The following SOCS2 variants were observed in gnomAD, a reference collection of about 807,000 sequenced individuals.
SOCS2 encodes the protein suppressor of cytokine signaling 2.
Under a neutral mutation model 18.6 loss-of-function variants are expected in SOCS2, and 10 were observed. The observed-to-expected ratio is 0.54, with a 90% confidence interval of 0.33 to 0.91. The LOEUF (loss-of-function observed/expected upper bound fraction) is 0.91, where lower values mean the gene tolerates loss of function less well. Among genes scored for constraint, SOCS2 ranks in the 40% least tolerant of loss-of-function variants. The pLI is 0.02. For missense variants in SOCS2, 231 were observed against 247.2 expected, an observed-to-expected ratio of 0.93 and a Z score of 0.44; for synonymous variants, 104 against 104.0, an observed-to-expected ratio of 1.00 and a Z score of 0.00.
chr12:93,593,959 T>C, the SOCS2 span, among the ~76,000 whole-genome samples: 1 of 152,202 alleles, frequency 6.6e-6, no homozygotes, highest in Non-Finnish European at 1.5e-5. Context: ...TAATCAAAAC[T>C]CTTAATTTCA....
downstream of SOCS2, among the ~76,000 whole-genome samples, chr12:93,584,499 T>C (rs1426318819): frequency 1.3e-5 from 2 of 152,174 alleles, no homozygotes; most frequent in Admixed American, 6.5e-5. Context: ...TCTCACTCTT[T>C]TGTTCATTTT....
the SOCS2 span, among the ~76,000 whole-genome samples, chr12:93,591,683 G>T: frequency 1.3e-5 from 2 of 152,168 alleles, no homozygotes; most frequent in Non-Finnish European, 1.5e-5. Flanking sequence ...CGTCCGGGGC[G>T]CCGCTCGGGT....
the SOCS2 span, among the ~76,000 whole-genome samples, chr12:93,614,576 T>TTTC: frequency 1.2e-5 from 1 of 84,342 alleles, no homozygotes; most frequent in African/African-American, 6.0e-5. Context: ...TCTTTCTTTC[T>TTTC]TTCTTTCTTT....
downstream of SOCS2, among the ~76,000 whole-genome samples, chr12:93,587,419 C>T (rs952738831): frequency 2.0e-5 from 3 of 152,146 alleles, no homozygotes; most frequent in Admixed American, 6.5e-5. Flanking sequence ...CAGTGGCTCA[C>T]GCCTGTAATC....
chr12:93,614,545 T>TTCTTTCTTTCTTTCTTTCTTTCTC, the SOCS2 span, among the ~76,000 whole-genome samples: 1 of 20,256 alleles, frequency 4.9e-5, no homozygotes, highest in East Asian at 1.3e-3. Context: ...CCTTCCTTCT[T>TTCTTTCTTTCTTTCTTTCTTTCTC]TCTTTCTTTC....
downstream of SOCS2, among the ~76,000 whole-genome samples, chr12:93,587,664 G>A (rs1954592731): frequency 6.8e-6 from 1 of 147,980 alleles, no homozygotes; most frequent in South Asian, 2.1e-4. Flanking sequence ...CTGGGTGACA[G>A]AGCGAGACTC....
At position 93,575,006 on chromosome 12, in the gene SOCS2, G is replaced by A; in HGVS notation, c.424G>A (p.Ala142Thr). 2 of 1,614,032 alleles carry A rather than the reference G, an allele frequency of 1.2e-6. No individual in the cohort carries two copies. The highest frequency in any genetic ancestry group is 1.7e-6 in the Non-Finnish European group (2 of 1,179,976). ...MCKDKRTGPE[A>T]PRNGTVHLYL... ...CAAGGATAAGCGGACAGGTCCAGAA[G>A]CCCCCCGGAACGGCACTGTTCACCT... Residue 142 changes from alanine (A) to threonine (T), a missense_variant, in exon 2 of 2, where the codon GCC (alanine) becomes ACC (threonine). Transcript: ENST00000551556.
the SOCS2 span, among the ~76,000 whole-genome samples, chr12:93,617,243 C>T: frequency 1.3e-5 from 2 of 152,152 alleles, no homozygotes; most frequent in Non-Finnish European, 2.9e-5. Context: ...CTAACCACAT[C>T]CCAGGGTGGG....
the SOCS2 span, among the ~76,000 whole-genome samples, chr12:93,614,426 T>TTCC: frequency 2.2e-5 from 2 of 92,288 alleles, no homozygotes; most frequent in African/African-American, 4.7e-5. Context: ...TCTTCCTTTC[T>TTCC]TTCCCTTCCT....
chr12:93,608,492 G>A, the SOCS2 span, among the ~76,000 whole-genome samples: 1 of 151,898 alleles, frequency 6.6e-6, no homozygotes, highest in East Asian at 1.9e-4. Context: ...CTATTTTCAG[G>A]ATGACATCAC....
At chr12:93,613,169 CCG>C in the SOCS2 span, among the ~76,000 whole-genome samples, 2 of 152,156 alleles carry the variant, frequency 1.3e-5, no homozygotes, top group Non-Finnish European at 2.9e-5. Flanking sequence ...GCATGGCTTT[CCG>C]AAGGTATTTT....
At chr12:93,583,224 A>G (rs3741674) in exon 2 of SOCS2, 88,091 of 151,806 alleles carry the variant, frequency 0.58, 27,367 homozygotes, top group African/African-American at 0.81. Flanking sequence ...GGGATCTGGA[A>G]GGCTGTCTTC....
the SOCS2 span, among the ~76,000 whole-genome samples, chr12:93,609,559 ATTTAC>A: frequency 1.3e-5 from 2 of 151,836 alleles, no homozygotes; most frequent in Non-Finnish European, 2.9e-5. Flanking sequence ...TTACCTTATT[ATTTAC>A]TTTAATTTAT....
downstream of SOCS2, among the ~76,000 whole-genome samples, chr12:93,584,756 C>T (rs1235642822): frequency 2.0e-5 from 3 of 151,866 alleles, no homozygotes; most frequent in Admixed American, 1.3e-4. Context: ...GAATTTACAC[C>T]TTTTCTTCCC....
the SOCS2 span, among the ~76,000 whole-genome samples, chr12:93,621,551 A>G: frequency 6.6e-6 from 1 of 152,136 alleles, no homozygotes; most frequent in African/African-American, 2.4e-5. Flanking sequence ...ATCATAGCTC[A>G]CTGCAGCCTC....
At position 93,575,865 on chromosome 12, in the gene SOCS2, C is replaced by T. The variant is rs1247843354; in HGVS notation, c.*686C>T. 1 of 152,628 alleles carries T rather than the reference C, an allele frequency of 6.6e-6. No individual in the cohort carries two copies. Among genetic ancestry groups the T allele is most frequent in the Non-Finnish European group, 1.5e-5 (1 of 68,028 alleles). 9.5% of individuals were successfully genotyped at this position (152,628 alleles called of 1,614,324 possible). On this transcript the variant is annotated 3_prime_UTR_variant, in exon 2 of 2. Coordinates refer to ENST00000551556, the MANE Select transcript of SOCS2 (RefSeq NM_001270471.2). ...AACTGGTGCAAATGGAAAAGACTTTCTCTTTTCCTTTAAAGCTAAAGACAA... is the reference window on the plus strand; with the variant it reads ...AACTGGTGCAAATGGAAAAGACTTTTTCTTTTCCTTTAAAGCTAAAGACAA...
the SOCS2 span, among the ~76,000 whole-genome samples, chr12:93,611,152 A>T: frequency 6.6e-6 from 1 of 152,190 alleles, no homozygotes. Flanking sequence ...TGCAGTGGAC[A>T]CATAGAGACT....
the SOCS2 span, among the ~76,000 whole-genome samples, chr12:93,614,474 CCTTCCT>C: frequency 4.2e-4 from 34 of 81,234 alleles, no homozygotes; most frequent in Middle Eastern, 6.0e-3. Context: ...TTCCTTCCTT[CCTTCCT>C]TTCCTTCCTT....
At chr12:93,593,209 A>G in the SOCS2 span, among the ~76,000 whole-genome samples, 276 of 152,254 alleles carry the variant, frequency 1.8e-3, 2 homozygotes, top group Non-Finnish European at 4.9e-4. Context: ...TTTGCCTAAG[A>G]TTATTATCAC....
Sources: gnomAD v4.1 joint callset for allele counts (sites outside exome capture counted in the v4.1 genomes callset) on GRCh38, gnomAD v4.1.1 for gene constraint, MANE v1.5 for transcripts, NCBI Gene and HGNC (gene_info 2026-07-23, HGNC 2026-07-21) for gene names.